MFSD12: variants seen among roughly 807,000 people sequenced by gnomAD.
MFSD12 encodes the protein major facilitator superfamily domain-containing protein 12.
Under a neutral mutation model 51.2 loss-of-function variants are expected in MFSD12, and 67 were observed. That is an observed-to-expected ratio of 1.31 (90% CI 1.08 to 1.60). MFSD12 has a LOEUF of 1.60. MFSD12 is among the 40% of genes most tolerant of loss of function. The probability of loss-of-function intolerance (pLI) is 0.00; values close to 1 mark genes in which losing one functional copy is unlikely to be tolerated. For missense variants in MFSD12, 921 were observed against 673.0 expected, an observed-to-expected ratio of 1.37 and a Z score of -4.08; for synonymous variants, 441 against 316.7, an observed-to-expected ratio of 1.39 and a Z score of -4.17.
intron 4 of MFSD12, 91 bp downstream of exon 4, chr19:3,547,757 G>A (rs1294773052): frequency 2.1e-6 from 3 of 1,401,060 alleles, no homozygotes; most frequent in East Asian, 5.0e-5. Flanking sequence ...GGCCACGTGT[G>A]CTCTGCGTCT....
chr19:3,541,262 G>A (rs2030385990), downstream of MFSD12, among the ~76,000 whole-genome samples: 1 of 151,842 alleles, frequency 6.6e-6, no homozygotes, highest in Admixed American at 6.6e-5. Flanking sequence ...CTTGAGCCTA[G>A]GAGGTCAAGG....
At chr19:3,552,278 C>T (rs1290315344) in intron 1 of MFSD12, among the ~76,000 whole-genome samples, 2 of 151,670 alleles carry the variant, frequency 1.3e-5, no homozygotes, top group African/African-American at 4.8e-5. Flanking sequence ...AGCCATTCTC[C>T]TGCCTCAGCC....
intron 2 of MFSD12, among the ~76,000 whole-genome samples, chr19:3,548,755 G>C (rs1044258057): frequency 6.6e-6 from 1 of 152,202 alleles, no homozygotes. Context: ...GCCACCTCCA[G>C]AGGCCACGTG....
intron 1 of MFSD12, among the ~76,000 whole-genome samples, chr19:3,554,857 T>G (rs2031654033): frequency 6.6e-6 from 1 of 152,210 alleles, no homozygotes; most frequent in South Asian, 2.1e-4. Context: ...AGGGTAACCT[T>G]CACTCAAGTC....
At position 3,539,116 on chromosome 19, in the gene MFSD12, T is replaced by A. The variant is rs539279937; in HGVS notation, c.*6-360A>T. 3.4e-6 allele frequency: 4 copies of A among 1,191,604 alleles called. No homozygotes were observed. In the South Asian group the frequency reaches 5.3e-5, roughly 16 times the overall value. The allele number at this position is 1,191,604 out of a possible 1,614,324, so 73.8% of individuals were successfully genotyped here. On this transcript the variant is annotated intron_variant, in intron 4 of 4. Coordinates refer to the MFSD12 transcript ENST00000398558. ...GTGGTTGCCGAGACACTGGGTGGCCTTTATGCTGTCAACGGTGGCCTCAGA... is the reference window on the plus strand; with the variant it reads ...GTGGTTGCCGAGACACTGGGTGGCCATTATGCTGTCAACGGTGGCCTCAGA...
intron 1 of MFSD12, among the ~76,000 whole-genome samples, 183 bp downstream of exon 1, chr19:3,556,923 A>G (rs1004544392): frequency 6.6e-6 from 1 of 151,942 alleles, no homozygotes; most frequent in African/African-American, 2.4e-5. Flanking sequence ...AGACAGATAC[A>G]TAGGGGAGGT....
chr19:3,545,555 T>C (rs2030936468), intron 8 of MFSD12, among the ~76,000 whole-genome samples: 1 of 152,206 alleles, frequency 6.6e-6, no homozygotes, highest in Non-Finnish European at 1.5e-5. Context: ...CGTCACCTCC[T>C]CCAAGAAGCC....
At position 3,547,463 on chromosome 19, in the gene MFSD12, G is replaced by C. The variant is rs202229554; in HGVS notation, c.922C>G (p.Leu308Val). 8 of 1,613,104 alleles carry C rather than the reference G, an allele frequency of 5.0e-6. No individual in the cohort carries two copies. Among genetic ancestry groups the C allele is most frequent in the Middle Eastern group, 1.6e-4 (1 of 6,062 alleles). The change falls in exon 5 of 10, where the codon CTG becomes GTG. Residue 308 changes from leucine to valine, a missense_variant. Transcript: ENST00000355415. ...CGCCCCAATCTGCTCACCTTGGGCAGGTGGAGCGAGTAGGTGAGGTACATG... is the reference window on the plus strand; with the variant it reads ...CGCCCCAATCTGCTCACCTTGGGCACGTGGAGCGAGTAGGTGAGGTACATG... ...MAMYLTYSLH[L>V]PKKFIATIPL...
At position 3,554,281 on chromosome 19, in the gene MFSD12, T is replaced by C. The variant is rs1404880851; in HGVS notation, c.298+2825A>G. ...GTGAAACCTTGCCTCTACTAAAAAT[T>C]TAAAAATTAGCCGGCTTTGGTGGCA... is the stretch of plus-strand genomic sequence containing the variant. On this transcript the variant is annotated intron_variant, in intron 1 of 9. Coordinates refer to ENST00000355415, the MANE Select transcript of MFSD12 (RefSeq NM_174983.5). 4.2e-5 allele frequency among the ~76,000 whole-genome samples: 6 copies of C among 141,524 alleles called. No homozygotes were observed. The Admixed American group carries it at 4.2e-4, about 10-fold the overall frequency. 92.8% of individuals were successfully genotyped at this position (141,524 alleles called of 152,430 possible).
chr19:3,546,741 G>A (rs1020655145), intron 6 of MFSD12, among the ~76,000 whole-genome samples: 2 of 152,218 alleles, frequency 1.3e-5, no homozygotes, highest in Non-Finnish European at 1.5e-5. Context: ...AGCTGCACAG[G>A]GTGGACAGAA....
At chr19:3,552,128 G>A (rs968395800) in intron 1 of MFSD12, among the ~76,000 whole-genome samples, 1 of 151,990 alleles carries the variant, frequency 6.6e-6, no homozygotes, top group African/African-American at 2.4e-5. Context: ...CCTCCAAGGG[G>A]CCTGGGGAGA....
chr19:3,557,386 TG>T lies in MFSD12; in HGVS notation c.17del (p.Pro6GlnfsTer18). On this transcript the variant is annotated frameshift_variant, in exon 1 of 10. Coordinates refer to ENST00000355415, the MANE Select transcript of MFSD12 (RefSeq NM_174983.5). LOFTEE classifies it high-confidence loss of function. MGPGP[P>X]AAGAAPSPRP... The stretch of plus-strand genomic sequence containing the variant: ...GCGGGGACGGCGCCGCTCCGGCCGC[TG>T]GGGGTCCCGGGCCCATCGCGGCGCC... The T allele has an allele frequency of 1.4e-6, 2 of 1,409,870 alleles. No individual in the cohort carries two copies. The highest frequency in any genetic ancestry group is 1.4e-5 in the South Asian group (1 of 70,124). The allele number at this position is 1,409,870 out of a possible 1,614,324, so 87.3% of individuals were successfully genotyped here.
chr19:3,539,004 C>A (rs960536274), intron 4 of MFSD12: 15 of 629,630 alleles, frequency 2.4e-5, no homozygotes, highest in Non-Finnish European at 4.0e-5. Flanking sequence ...CACTGTGTCA[C>A]CCCCAGTTGT....
At chr19:3,544,075 A>C (rs1430969936), downstream of MFSD12, 29 of 1,457,808 alleles carry the variant, frequency 2.0e-5, no homozygotes, top group Non-Finnish European at 2.6e-5. Context: ...ACCTAGTCCC[A>C]GGGGACCAGA....
chr19:3,543,572 C>T (rs375974183), downstream of MFSD12: 22 of 1,541,048 alleles, frequency 1.4e-5, no homozygotes, highest in East Asian at 4.9e-5. Context: ...CCAGCACCTG[C>T]GGGAGACCGC....
chr19:3,539,857 T>C (rs2030214400), downstream of MFSD12: 1 of 152,646 alleles, frequency 6.6e-6, no homozygotes, highest in Admixed American at 6.5e-5. Flanking sequence ...GTCACCCCGA[T>C]ACAGTGTCTA....
chr19:3,541,779 G>C (rs1248797490), downstream of MFSD12: 11 of 985,198 alleles, frequency 1.1e-5, no homozygotes, highest in Admixed American at 6.2e-5. Flanking sequence ...GCAGGGGTGA[G>C]GGGCTCATTT....
At chr19:3,543,867 A>G (rs1294682156), downstream of MFSD12, 10 of 1,549,094 alleles carry the variant, frequency 6.5e-6, no homozygotes, top group Admixed American at 1.8e-4. Flanking sequence ...GCCACTGTGG[A>G]GGGCATCAGA....
downstream of MFSD12, chr19:3,543,203 G>A: frequency 6.5e-7 from 1 of 1,533,540 alleles, no homozygotes; most frequent in Non-Finnish European, 8.8e-7. Flanking sequence ...CTGTAGACAT[G>A]GGCTCAGTCT....
Sources: allele counts gnomAD v4.1 joint callset (sites outside exome capture counted in the v4.1 genomes callset), GRCh38; gene constraint gnomAD v4.1.1; transcripts MANE v1.5; gene names NCBI Gene and HGNC (gene_info 2026-07-23, HGNC 2026-07-21).